Variants in KLHL30 observed in about 807,000 individuals in gnomAD.
KLHL30 encodes the protein kelch-like protein 30.
KLHL30 carries 55 observed loss-of-function variants against 55.0 expected under a neutral mutation model. The observed-to-expected ratio is 1.00, with a 90% CI of 0.80 to 1.25. The LOEUF is 1.25. Among genes scored for constraint, KLHL30 ranks in the 50% most tolerant of loss-of-function variants. The probability of loss-of-function intolerance (pLI) is 0.00; values close to 1 mark genes in which losing one functional copy is unlikely to be tolerated. For missense variants in KLHL30, 786 were observed against 811.6 expected (o/e 0.97, Z 0.38); for synonymous variants, 356 against 372.6 (o/e 0.96, Z 0.51).
At chr2:238,140,415 A>G (rs542433629) in intron 1 of KLHL30, among the ~76,000 whole-genome samples, 4 of 152,042 alleles carry the variant, frequency 2.6e-5, no homozygotes, top group Non-Finnish European at 5.9e-5. Context: ...TCTTTTGCCA[A>G]CCCTGTTCTG....
Position 238,147,943 on chromosome 2 carries a change from C to T in KLHL30, c.1260C>T (p.Cys420=). 6.3e-7 allele frequency: 1 copy of T among 1,588,108 alleles called. No individual in the cohort carries two copies. Among genetic ancestry groups the T allele is most frequent in the Non-Finnish European group, 8.6e-7 (1 of 1,168,450 alleles). ...TCAGCAACTTCTCGGCTGCCGGCTGCCGGGGCCGGCTCTACCTGGTGGGCT... is the reference window on the plus strand; with the variant it reads ...TCAGCAACTTCTCGGCTGCCGGCTGTCGGGGCCGGCTCTACCTGGTGGGCT... ...KYVSNFSAAG[C]RGRLYLVGSS... Residue 420 remains cysteine, a synonymous_variant, in exon 6 of 8, where the codon TGC becomes TGT. Transcript: ENST00000409223. The surrounding 1 kb of genome is among the most constrained non-coding windows in gnomAD (Gnocchi z 5.8).
Position 238,144,432 on chromosome 2 carries a change from A to AGGC in KLHL30, c.908-470_908-469insGGC, listed in dbSNP as rs1692607584. Among the ~76,000 whole-genome samples, 272 of 82,398 alleles carry AGGC rather than the reference A, an allele frequency of 3.3e-3. 1 individual carries two copies. Among genetic ancestry groups the AGGC allele is most frequent in the Admixed American group, 7.4e-3 (60 of 8,100 alleles). 54.1% of individuals were successfully genotyped at this position (82,398 alleles called of 152,430 possible). ...GAAGGAAGGAAGGAAGGAAGGAAGG[A>AGGC]AGGCAGGCAGGCAGGCAGGCAGGCA... On this transcript the variant is annotated intron_variant, in intron 3 of 7. Coordinates refer to ENST00000409223, the MANE Select transcript of KLHL30 (RefSeq NM_198582.4).
rs182829071 is a variant in KLHL30, at chr2:238,150,639, G to A, written c.1486-175G>A. On this transcript the variant is annotated intron_variant, in intron 7 of 7. Coordinates refer to ENST00000409223, the MANE Select transcript of KLHL30 (RefSeq NM_198582.4). ...CCTCCCCACCAAAAGAAGAGTCTGAGGAGGCTGGAGGGGCTGCGGTGGGCT... is the reference window on the plus strand; with the variant it reads ...CCTCCCCACCAAAAGAAGAGTCTGAAGAGGCTGGAGGGGCTGCGGTGGGCT... 1.3e-3 allele frequency among the ~76,000 whole-genome samples: 201 copies of A among 152,314 alleles called. 1 individual carries two copies. The highest frequency in any genetic ancestry group is 4.6e-3 in the African/African-American group (193 of 41,566).
At position 238,152,329 on chromosome 2, in the gene KLHL30, C is replaced by A. The variant is rs13414904; in HGVS notation, c.*1264C>A. On this transcript the variant is annotated 3_prime_UTR_variant, in exon 8 of 8. Coordinates refer to ENST00000409223, the MANE Select transcript of KLHL30 (RefSeq NM_198582.4). The stretch of plus-strand genomic sequence containing the variant: ...CTCTTGAGCTTCTGTAGGTAGGGAT[C>A]TGCTTTGCTCCCAGACCTGCCTCTC... 7.9e-6 allele frequency: 2 copies of A among 252,586 alleles called. No homozygotes were observed. The highest frequency in any genetic ancestry group is 1.2e-5 in the Non-Finnish European group (2 of 166,016). 15.6% of individuals were successfully genotyped at this position (252,586 alleles called of 1,614,324 possible).
intron 3 of KLHL30, among the ~76,000 whole-genome samples, chr2:238,144,430 G>GGAAGGAAT (rs1692607424): frequency 1.1e-5 from 1 of 89,918 alleles, no homozygotes; most frequent in African/African-American, 4.1e-5. Flanking sequence ...AAGGAAGGAA[G>GGAAGGAAT]GAAGGCAGGC....
At chr2:238,144,279 G>C (rs934118432) in intron 3 of KLHL30, among the ~76,000 whole-genome samples, 15 of 152,176 alleles carry the variant, frequency 9.9e-5, no homozygotes, top group African/African-American at 3.4e-4. Flanking sequence ...CACAGCTGGG[G>C]CACCACATCT....
rs1692744652 is a variant in KLHL30 at position 238,150,951 on chromosome 2, C to T, written c.1623C>T (p.Asp541=). 6.3e-7 allele frequency: 1 copy of T among 1,576,290 alleles called. No individual in the cohort carries two copies. The highest frequency in any genetic ancestry group is 8.6e-7 in the Non-Finnish European group (1 of 1,162,108). Residue 541 remains aspartate, a synonymous_variant, in exon 8 of 8, where the codon GAC becomes GAT. Transcript: ENST00000409223. ...TGGAGGCCTACGACACGGTTCGGGA[C>T]ACCTGGACCCGCCACGGCGCCCTGC... ...VEMEAYDTVR[D]TWTRHGALPR...
intron 3 of KLHL30, among the ~76,000 whole-genome samples, chr2:238,144,424 A>G (rs377579797): frequency 1.2e-5 from 1 of 82,662 alleles, no homozygotes; most frequent in Non-Finnish European, 2.7e-5. Context: ...GGAAGGAAGG[A>G]AGGAAGGAAG....
chr2:238,140,044 C>G (rs925496314), intron 1 of KLHL30, among the ~76,000 whole-genome samples: 3 of 152,240 alleles, frequency 2.0e-5, no homozygotes, highest in African/African-American at 7.2e-5. Context: ...GCCTGGGCCC[C>G]CAAGCCTAGC....
rs1692535684 is a variant in KLHL30 at position 238,141,325 on chromosome 2, C to T, written c.571C>T (p.Gln191Ter). 1.9e-6 allele frequency: 3 copies of T among 1,597,108 alleles called. No homozygotes were observed. The highest frequency in any genetic ancestry group is 1.1e-5 in the South Asian group (1 of 90,280). The change falls in exon 2 of 8, where the codon CAG (glutamine) becomes TAG (stop). Residue 191 changes from glutamine to a stop codon, truncating the protein, a stop_gained. Transcript: ENST00000409223. LOFTEE classifies it high-confidence loss of function. ...TCTGGCCGGCGACCTGCTGCAGGTA[C>T]AGCCGGAGCAAAGCCGACTCGAGGC... Reference protein sequence around the residue: ...TCLAGDLLQVQPEQSRLEALM... With the variant: ...TCLAGDLLQV
rs1425871549 is a variant in KLHL30, at chr2:238,150,953, C to T, written c.1625C>T (p.Thr542Ile). 6.4e-7 allele frequency: 1 copy of T among 1,572,730 alleles called. No homozygotes were observed. The highest frequency in any genetic ancestry group is 8.6e-7 in the Non-Finnish European group (1 of 1,159,946). ...EMEAYDTVRD[T>I]WTRHGALPRL... ...GAGGCCTACGACACGGTTCGGGACACCTGGACCCGCCACGGCGCCCTGCCC... is the reference window on the plus strand; with the variant it reads ...GAGGCCTACGACACGGTTCGGGACATCTGGACCCGCCACGGCGCCCTGCCC... The change falls in exon 8 of 8, where the codon ACC becomes ATC. Residue 542 changes from threonine (T) to isoleucine (I), a missense_variant. Transcript: ENST00000409223.
intron 3 of KLHL30, 57 bp downstream of exon 3, chr2:238,142,988 C>T (rs1288448581): frequency 7.5e-6 from 11 of 1,470,500 alleles, no homozygotes; most frequent in South Asian, 4.5e-5. Flanking sequence ...CAGCGGGAGC[C>T]GCTGTGTCCT....
In KLHL30 at chr2:238,147,800, C is replaced by T. The variant is rs777309712; in HGVS notation, c.1151-34C>T. 3 of 1,375,744 alleles carry T rather than the reference C, an allele frequency of 2.2e-6. No homozygotes were observed. The highest frequency in any genetic ancestry group is 3.0e-5 in the African/African-American group (2 of 67,014). 85.2% of individuals were successfully genotyped at this position (1,375,744 alleles called of 1,614,324 possible). The stretch of plus-strand genomic sequence containing the variant: ...AGTTTCCAGGCCTCCCCTCTCCTCC[C>T]CAGCCCTGAACTGCCCCCGCCCTCA... On this transcript the variant is annotated intron_variant, in intron 5 of 7. Coordinates refer to ENST00000409223, the MANE Select transcript of KLHL30 (RefSeq NM_198582.4). The surrounding 1 kb of genome is among the most constrained non-coding windows in gnomAD (Gnocchi z 5.8).
intron 1 of KLHL30, among the ~76,000 whole-genome samples, chr2:238,139,239 G>A (rs1205095069): frequency 6.6e-6 from 1 of 152,216 alleles, no homozygotes; most frequent in African/African-American, 2.4e-5. Flanking sequence ...GCAGCAGCTG[G>A]CCCAAGGGAG....
At position 238,143,777 on chromosome 2, in the gene KLHL30, G is replaced by A. The variant is rs567298747; in HGVS notation, c.907+846G>A. Among the ~76,000 whole-genome samples the A allele has an allele frequency of 4.6e-5, 7 of 152,328 alleles. No homozygotes were observed. In the East Asian group the frequency reaches 1.4e-3, roughly 29 times the overall value. ...GAGCAGCTGTCTCTCAGACCTGGCC[G>A]GGAGGTGGGGACGCTGGCAGGAAGA... On this transcript the variant is annotated intron_variant, in intron 3 of 7. Transcript: ENST00000409223.
intron 6 of KLHL30, 82 bp downstream of exon 6, chr2:238,148,104 T>G: frequency 7.8e-7 from 1 of 1,285,108 alleles, no homozygotes; most frequent in Non-Finnish European, 1.0e-6. Context: ...ATGGTGAGGA[T>G]TGGGGCTCCT....
chr2:238,143,122 G>A (rs906809394), intron 3 of KLHL30, among the ~76,000 whole-genome samples, 191 bp downstream of exon 3: 4 of 152,230 alleles, frequency 2.6e-5, no homozygotes, highest in African/African-American at 9.6e-5. Flanking sequence ...CCGGGAGGGG[G>A]AAGGCTGGCG....
At chr2:238,144,396 AAGGAAGGAAGGAAGGAAG>A (rs1692597637) in intron 3 of KLHL30, among the ~76,000 whole-genome samples, 1 of 101,590 alleles carries the variant, frequency 9.8e-6, no homozygotes, top group African/African-American at 4.3e-5. Context: ...GGAAGGAAGG[AAGGAAGGAAGGAAGGAAG>A]GAAGGAAGGA....
intron 2 of KLHL30, among the ~76,000 whole-genome samples, chr2:238,142,395 T>TG (rs1692558822): frequency 6.6e-6 from 1 of 151,894 alleles, no homozygotes; most frequent in South Asian, 2.1e-4. Flanking sequence ...GGGTTCCATA[T>TG]GGGGGGCCAG....
Sources: gnomAD v4.1 joint callset for allele counts (sites outside exome capture counted in the v4.1 genomes callset) on GRCh38, gnomAD v4.1.1 for gene constraint, Gnocchi (gnomAD v3.1) non-coding constraint, MANE v1.5 for transcripts, NCBI Gene and HGNC (gene_info 2026-07-23, HGNC 2026-07-21) for gene names.